The following CPEB1 variants were observed in gnomAD, a reference collection of about 807,000 sequenced individuals.
The protein encoded by CPEB1 is cytoplasmic polyadenylation element-binding protein 1.
In CPEB1, 7 loss-of-function variants were observed where a neutral mutation model predicts 65.8. The ratio of observed to expected loss-of-function variants is 0.11; its 90% CI spans 0.06 to 0.20. The LOEUF is 0.20. Among genes scored for constraint, CPEB1 ranks in the 10% least tolerant of loss-of-function variants. The probability of loss-of-function intolerance (pLI) is 1.00; values close to 1 mark genes in which losing one functional copy is unlikely to be tolerated. For synonymous variants in CPEB1, 262 were observed against 260.0 expected (o/e 1.01, Z -0.08); for missense variants, 551 against 712.2 (o/e 0.77, Z 2.58).
chr15:82,630,873 C>A (rs1056530074), intron 1 of CPEB1, among the ~76,000 whole-genome samples: 1 of 152,138 alleles, frequency 6.6e-6, no homozygotes, highest in South Asian at 2.1e-4. Flanking sequence ...TCAGCATTGT[C>A]TTTCAATACA....
intron 3 of CPEB1, among the ~76,000 whole-genome samples, chr15:82,608,018 A>G (rs1444582220): frequency 4.6e-5 from 7 of 151,590 alleles, no homozygotes; most frequent in Admixed American, 4.6e-4. Context: ...ACAGTTTACA[A>G]CTCTGCAGTA....
intron 3 of CPEB1, among the ~76,000 whole-genome samples, chr15:82,593,558 G>C (rs893210075): frequency 6.6e-6 from 1 of 152,078 alleles, no homozygotes; most frequent in African/African-American, 2.4e-5. Flanking sequence ...ATGAAGTTTG[G>C]AATCAACTTC....
At chr15:82,575,216 A>T (rs1038124193) in intron 3 of CPEB1, among the ~76,000 whole-genome samples, 8 of 152,228 alleles carry the variant, frequency 5.3e-5, no homozygotes, top group African/African-American at 1.7e-4. Flanking sequence ...CCAGACTTAA[A>T]GCAATTCATT....
intron 3 of CPEB1, among the ~76,000 whole-genome samples, chr15:82,606,357 A>G (rs1482763108): frequency 6.6e-6 from 1 of 151,612 alleles, no homozygotes; most frequent in Non-Finnish European, 1.5e-5. Flanking sequence ...CTGGTATCCC[A>G]GCTACTCAGG....
chr15:82,576,577 G>A (rs181007821), intron 3 of CPEB1, among the ~76,000 whole-genome samples: 3 of 152,266 alleles, frequency 2.0e-5, no homozygotes, highest in East Asian at 1.9e-4. Flanking sequence ...GATGTTCACT[G>A]TTCAATCTAG....
Position 82,594,084 on chromosome 15 carries a change from C to CATTAGCCTGTAACAAGAGA in CPEB1, c.272-22571_272-22553dup, listed in dbSNP as rs1269220630. On this transcript the variant is annotated intron_variant, in intron 3 of 12. Transcript: ENST00000684509. Reference sequence around the variant, plus strand: ...GCCTCAACTTTAAAGTTACCAGTTTCATTAGCCTGTAACAAGAGAATCAGC... The same window carrying CATTAGCCTGTAACAAGAGA: ...GCCTCAACTTTAAAGTTACCAGTTTCATTAGCCTGTAACAAGAGAATTAGCCTGTAACAAGAGAATCAGC... Among the ~76,000 whole-genome samples the CATTAGCCTGTAACAAGAGA allele has an allele frequency of 3.3e-5, 5 of 152,292 alleles. No individual in the cohort carries two copies. The East Asian group carries it at 9.7e-4, about 29-fold the overall frequency.
At chr15:82,555,803 T>C in intron 6 of CPEB1, 67 bp downstream of exon 6, 1 of 1,547,064 alleles carries the variant, frequency 6.5e-7, no homozygotes, top group Non-Finnish European at 8.7e-7. Context: ...GTGTGTGAAC[T>C]AAGGTCACTT....
intron 3 of CPEB1, among the ~76,000 whole-genome samples, chr15:82,609,650 A>C (rs965686861): frequency 4.6e-5 from 7 of 152,016 alleles, no homozygotes; most frequent in East Asian, 1.9e-4. Flanking sequence ...AAAAAAAAAA[A>C]CAGAAGTTGG....
intron 4 of CPEB1, among the ~76,000 whole-genome samples, chr15:82,569,989 C>G (rs980809305): frequency 1.5e-4 from 23 of 152,144 alleles, no homozygotes; most frequent in African/African-American, 4.8e-4. Flanking sequence ...TACTTCCTTG[C>G]CCAGGGGAAC....
chr15:82,646,455 G>C (rs1299057163), intron 1 of CPEB1, among the ~76,000 whole-genome samples: 1 of 152,154 alleles, frequency 6.6e-6, no homozygotes, highest in Non-Finnish European at 1.5e-5. Flanking sequence ...TGCAGGCGCG[G>C]GGCGGGGGAG....
At chr15:82,643,012 T>C (rs2151389770) in intron 1 of CPEB1, among the ~76,000 whole-genome samples, 1 of 152,192 alleles carries the variant, frequency 6.6e-6, no homozygotes, top group East Asian at 1.9e-4. Context: ...CTGAAACCAA[T>C]GAATGAGAAA....
intron 8 of CPEB1, among the ~76,000 whole-genome samples, chr15:82,553,229 T>C (rs1355699615): frequency 2.0e-5 from 3 of 152,088 alleles, no homozygotes; most frequent in East Asian, 3.9e-4. Flanking sequence ...AGGAAGGGGT[T>C]TCAGAGGCAA....
chr15:82,588,730 C>T (rs2041996824), intron 3 of CPEB1, among the ~76,000 whole-genome samples: 1 of 152,150 alleles, frequency 6.6e-6, no homozygotes, highest in Non-Finnish European at 1.5e-5. Flanking sequence ...AGCTGTTGGT[C>T]AAAATTGACC....
At chr15:82,647,730 G>C, upstream of CPEB1, 1 of 881,916 alleles carries the variant, frequency 1.1e-6, no homozygotes, top group Non-Finnish European at 1.5e-6. Flanking sequence ...ACCGCGCCCC[G>C]CCCGGGACTC....
intron 6 of CPEB1, among the ~76,000 whole-genome samples, chr15:82,555,168 T>C: frequency 6.7e-6 from 1 of 149,612 alleles, no homozygotes; most frequent in Middle Eastern, 3.3e-3. Context: ...AATACATATT[T>C]AGGATAATTT....
chr15:82,621,319 T>TAAAAA (rs72147191), intron 3 of CPEB1, among the ~76,000 whole-genome samples: 1 of 145,766 alleles, frequency 6.9e-6, no homozygotes, highest in Non-Finnish European at 1.5e-5. Flanking sequence ...CCATGTCTCT[T>TAAAAA]AAAAAAAAAA....
At chr15:82,575,684 A>G in intron 3 of CPEB1, among the ~76,000 whole-genome samples, 1 of 152,120 alleles carries the variant, frequency 6.6e-6, no homozygotes, top group Non-Finnish European at 1.5e-5. Context: ...GAACTTCAAA[A>G]AGTGCTCAAA....
chr15:82,598,417 G>A (rs748042471), intron 3 of CPEB1, among the ~76,000 whole-genome samples: 9 of 151,972 alleles, frequency 5.9e-5, no homozygotes, highest in Non-Finnish European at 1.0e-4. Flanking sequence ...TCGCTTGAAC[G>A]TGGGACGCAG....
chr15:82,589,063 T>C (rs2042019466), intron 3 of CPEB1, among the ~76,000 whole-genome samples: 1 of 152,216 alleles, frequency 6.6e-6, no homozygotes, highest in Non-Finnish European at 1.5e-5. Context: ...ACACAAAATC[T>C]GTCCACTTAT....
Sources: gnomAD v4.1 joint callset for allele counts (sites outside exome capture counted in the v4.1 genomes callset) on GRCh38, gnomAD v4.1.1 for gene constraint, MANE v1.5 for transcripts, NCBI Gene and HGNC (gene_info 2026-07-23, HGNC 2026-07-21) for gene names.